Variants in CTNNA2 observed in about 807,000 individuals in gnomAD.
CTNNA2 encodes the protein catenin alpha-2.
A neutral mutation model predicts 101.0 loss-of-function variants in CTNNA2; 42 were observed. The ratio of observed to expected loss-of-function variants is 0.42; its 90% confidence interval spans 0.32 to 0.54. The LOEUF (loss-of-function observed/expected upper bound fraction) is 0.54, where lower values mean the gene tolerates loss of function less well. CTNNA2 is among the 20% of genes least tolerant of loss of function. The probability of loss-of-function intolerance (pLI) is 0.14; values close to 1 mark genes in which losing one functional copy is unlikely to be tolerated. For missense variants in CTNNA2, 871 were observed against 1,223.1 expected (o/e 0.71, Z 4.29); for synonymous variants, 450 against 456.4 (o/e 0.99, Z 0.18).
intron 7 of CTNNA2, among the ~76,000 whole-genome samples, chr2:80,176,207 TAAG>T (rs1340308070): frequency 6.6e-6 from 1 of 152,206 alleles, no homozygotes; most frequent in East Asian, 1.9e-4. Flanking sequence ...AAGACAATAA[TAAG>T]GTCATAATTA....
chr2:79,293,381 T>C (rs554782830), intron 2 of CTNNA2: 8 of 152,332 alleles, frequency 5.3e-5, no homozygotes, highest in Admixed American at 4.6e-4. Flanking sequence ...CATTCATTTA[T>C]TTAATATGAA....
At chr2:79,385,517 T>G (rs1678089024) in intron 4 of CTNNA2, among the ~76,000 whole-genome samples, 1 of 151,970 alleles carries the variant, frequency 6.6e-6, no homozygotes, top group Admixed American at 6.6e-5. Context: ...TTATTTTATT[T>G]TATTTTATTT....
chr2:80,461,509 A>G (rs992669362), intron 9 of CTNNA2, among the ~76,000 whole-genome samples: 2 of 152,150 alleles, frequency 1.3e-5, no homozygotes, highest in Non-Finnish European at 2.9e-5. Flanking sequence ...AACTATTGCA[A>G]AGGTCCTAAA....
At chr2:79,947,142 T>C (rs1189664337) in intron 7 of CTNNA2, among the ~76,000 whole-genome samples, 1 of 152,240 alleles carries the variant, frequency 6.6e-6, no homozygotes, top group Non-Finnish European at 1.5e-5. Flanking sequence ...TTCAAAATTC[T>C]GGGATCATAT....
chr2:79,576,694 G>A (rs1037323638), intron 1 of CTNNA2, among the ~76,000 whole-genome samples: 2 of 152,098 alleles, frequency 1.3e-5, no homozygotes, highest in African/African-American at 4.8e-5. Context: ...GCTAGAACCT[G>A]TAACTTCACT....
intron 11 of CTNNA2, among the ~76,000 whole-genome samples, chr2:80,555,413 A>C (rs1418773761): frequency 6.6e-6 from 1 of 152,194 alleles, no homozygotes; most frequent in African/African-American, 2.4e-5. Context: ...GGAACTTGAC[A>C]GAAACTCAAT....
In CTNNA2 at chr2:79,428,720, GA is replaced by G. The variant is rs200251360; in HGVS notation, c.-135+54715del. On this transcript the variant is annotated intron_variant, in intron 4 of 21. Transcript: ENST00000466387. Reference sequence around the variant, plus strand: ...AAGAAATGACAGCCATGAGGCTGTTGAAAAAAAACATATCCAATAAATCTGT... The same window carrying G: ...AAGAAATGACAGCCATGAGGCTGTTGAAAAAAACATATCCAATAAATCTGT... Among the ~76,000 whole-genome samples the G allele has an allele frequency of 1.3e-4, 19 of 151,936 alleles. No homozygotes were observed. In the East Asian group the frequency reaches 3.5e-3, roughly 28 times the overall value.
chr2:79,728,916 G>T (rs1050687578), intron 2 of CTNNA2, among the ~76,000 whole-genome samples: 7 of 152,084 alleles, frequency 4.6e-5, no homozygotes, highest in Non-Finnish European at 1.0e-4. Flanking sequence ...TGAGGGCTCT[G>T]TTCTGTTCCA....
At chr2:79,981,106 T>C (rs191604628) in intron 7 of CTNNA2, among the ~76,000 whole-genome samples, 3 of 152,258 alleles carry the variant, frequency 2.0e-5, no homozygotes, top group Admixed American at 2.0e-4. Context: ...ATACATTCGC[T>C]TCTGTCCTGG....
chr2:80,080,948 TAA>T (rs79785271), intron 7 of CTNNA2, among the ~76,000 whole-genome samples: 29 of 87,554 alleles, frequency 3.3e-4, no homozygotes, highest in South Asian at 1.4e-3. Flanking sequence ...TTCTCCCACT[TAA>T]AAAAAAAAAA....
chr2:80,416,892 C>T (rs923674965), intron 8 of CTNNA2, among the ~76,000 whole-genome samples: 85 of 151,992 alleles, frequency 5.6e-4, no homozygotes, highest in African/African-American at 2.0e-3. Context: ...TTTACATTCT[C>T]TTTCCTTGAG....
rs1221497295 is a variant in CTNNA2, at chr2:80,303,171, C to G, written c.1057-90040C>G. 2 of 1,613,992 alleles carry G rather than the reference C, an allele frequency of 1.2e-6. No individual in the cohort carries two copies. Among genetic ancestry groups the G allele is most frequent in the Non-Finnish European group, 1.7e-6 (2 of 1,179,990 alleles). On this transcript the variant is annotated intron_variant, in intron 7 of 18. Coordinates refer to ENST00000402739, the MANE Select transcript of CTNNA2 (RefSeq NM_001282597.3). The surrounding 1 kb of genome is among the most constrained non-coding windows in gnomAD (Gnocchi z 7.7). Reference sequence around the variant, plus strand: ...TTCACCTTGACCAAGTCGTTGTGCTCGAGGTGCAGCTCGGTGAGCTTAAAC... The same window carrying G: ...TTCACCTTGACCAAGTCGTTGTGCTGGAGGTGCAGCTCGGTGAGCTTAAAC...
At chr2:79,772,599 G>A (rs1470691979) in intron 3 of CTNNA2, among the ~76,000 whole-genome samples, 1 of 152,104 alleles carries the variant, frequency 6.6e-6, no homozygotes, top group Non-Finnish European at 1.5e-5. Context: ...TAAGAGACAG[G>A]TTCTCTTCTG....
At chr2:79,668,113 G>A (rs922705337) in intron 2 of CTNNA2, among the ~76,000 whole-genome samples, 20 of 150,980 alleles carry the variant, frequency 1.3e-4, no homozygotes, top group African/African-American at 3.4e-4. Flanking sequence ...GGTGGCGGGC[G>A]CCTGTAGTCC....
intron 4 of CTNNA2, among the ~76,000 whole-genome samples, chr2:79,440,600 C>A (rs1678767368): frequency 6.6e-6 from 1 of 152,138 alleles, no homozygotes; most frequent in Non-Finnish European, 1.5e-5. Flanking sequence ...CTGAATACAC[C>A]TGGCAACTCA....
chr2:79,226,905 G>A (rs1441737050), intron 2 of CTNNA2, among the ~76,000 whole-genome samples: 3 of 151,950 alleles, frequency 2.0e-5, no homozygotes, highest in East Asian at 1.9e-4. Flanking sequence ...ATCCCAAGGC[G>A]CTGCCATGAA....
At chr2:79,219,346 G>T (rs1342840634) in intron 2 of CTNNA2, among the ~76,000 whole-genome samples, 1 of 152,124 alleles carries the variant, frequency 6.6e-6, no homozygotes, top group East Asian at 1.9e-4. Flanking sequence ...AAAACTTTGT[G>T]AAAATGGAAA....
At chr2:79,287,066 C>G (rs1282883746) in intron 2 of CTNNA2, among the ~76,000 whole-genome samples, 3 of 152,226 alleles carry the variant, frequency 2.0e-5, no homozygotes, top group Non-Finnish European at 4.4e-5. Context: ...GAGACTTCTG[C>G]ATTCTTCACG....
intron 7 of CTNNA2, among the ~76,000 whole-genome samples, chr2:80,350,535 G>A (rs1278586550): frequency 6.6e-6 from 1 of 152,092 alleles, no homozygotes; most frequent in Non-Finnish European, 1.5e-5. Context: ...ACACAAAGGA[G>A]CTTGTCCTGA....
Sources: allele counts gnomAD v4.1 joint callset (sites outside exome capture counted in the v4.1 genomes callset), GRCh38; gene constraint gnomAD v4.1.1; non-coding constraint Gnocchi (gnomAD v3.1); transcripts MANE v1.5; gene names NCBI Gene and HGNC (gene_info 2026-07-23, HGNC 2026-07-21).